PALM2AKAP2: variants seen among roughly 807,000 people sequenced by gnomAD.
The protein encoded by PALM2AKAP2 is PALM2 and AKAP2 fusion.
Under a neutral mutation model 71.5 loss-of-function variants are expected in PALM2AKAP2, and 37 were observed. The ratio of observed to expected loss-of-function variants is 0.52; its 90% CI spans 0.40 to 0.68. The LOEUF (loss-of-function observed/expected upper bound fraction) is 0.68, where lower values mean the gene tolerates loss of function less well. Among genes scored for constraint, PALM2AKAP2 ranks in the 30% least tolerant of loss-of-function variants. The probability of loss-of-function intolerance (pLI) is 0.00; values close to 1 mark genes in which losing one functional copy is unlikely to be tolerated. For synonymous variants in PALM2AKAP2, 468 were observed against 478.8 expected (o/e 0.98, Z 0.29); for missense variants, 1,224 against 1,191.8 (o/e 1.03, Z -0.40).
At chr9:109,842,690 G>T (rs1238611142) in intron 1 of PALM2AKAP2, among the ~76,000 whole-genome samples, 1 of 152,060 alleles carries the variant, frequency 6.6e-6, no homozygotes, top group African/African-American at 2.4e-5. Flanking sequence ...ACAGACTAAT[G>T]ATATCTGACA....
intron 1 of PALM2AKAP2, among the ~76,000 whole-genome samples, chr9:109,697,903 G>C (rs921455147): frequency 6.6e-6 from 1 of 152,028 alleles, no homozygotes; most frequent in East Asian, 1.9e-4. Context: ...TCATTTTACC[G>C]CATTAATTAT....
At chr9:109,664,598 C>T (rs539780575) in intron 1 of PALM2AKAP2, among the ~76,000 whole-genome samples, 2 of 152,298 alleles carry the variant, frequency 1.3e-5, no homozygotes, top group South Asian at 4.1e-4. Flanking sequence ...GTAACTCAAC[C>T]TTTCTCTCTG....
At chr9:109,993,033 C>G (rs1305034430) in intron 6 of PALM2AKAP2, among the ~76,000 whole-genome samples, 1 of 150,966 alleles carries the variant, frequency 6.6e-6, no homozygotes. Context: ...AGCATAGATT[C>G]AAGTTGCCCT....
At chr9:109,641,936 C>A (rs985063370) in intron 1 of PALM2AKAP2, among the ~76,000 whole-genome samples, 2 of 152,274 alleles carry the variant, frequency 1.3e-5, no homozygotes, top group South Asian at 2.1e-4. Flanking sequence ...GATGGTGTAG[C>A]ATTGTAGGAG....
chr9:110,095,321 G>A (rs77229776), intron 1 of PALM2AKAP2, among the ~76,000 whole-genome samples: 4,357 of 152,272 alleles, frequency 0.029, 76 homozygotes, highest in Non-Finnish European at 0.043. Context: ...TATGATGCAG[G>A]ATGGAAACCT....
intron 3 of PALM2AKAP2, among the ~76,000 whole-genome samples, chr9:109,916,682 A>C (rs768915795): frequency 2.0e-5 from 3 of 152,138 alleles, no homozygotes; most frequent in Non-Finnish European, 4.4e-5. Flanking sequence ...TTTTCTCACC[A>C]CCTGTATCAG....
rs118113720 is a variant in PALM2AKAP2 at position 109,991,017 on chromosome 9, G to A, written c.497-24937G>A. On this transcript the variant is annotated intron_variant, in intron 6 of 9. Coordinates refer to the PALM2AKAP2 transcript ENST00000302798. ...AGGGCTCAGGGATATGGGCTTCCTAGGGCAATTACCCCTTACCTCTGTTTC... is the reference window on the plus strand; with the variant it reads ...AGGGCTCAGGGATATGGGCTTCCTAAGGCAATTACCCCTTACCTCTGTTTC... Among the ~76,000 whole-genome samples the A allele has an allele frequency of 5.2e-3, 794 of 152,198 alleles. 5 individuals are homozygous for A. Among genetic ancestry groups the A allele is most frequent in the Non-Finnish European group, 6.0e-3 (407 of 67,988 alleles).
upstream of PALM2AKAP2, among the ~76,000 whole-genome samples, chr9:109,777,807 C>T (rs949739301): frequency 6.6e-5 from 10 of 152,146 alleles, no homozygotes; most frequent in African/African-American, 1.7e-4. Context: ...TTCTACTTCT[C>T]GGATGATACT....
intron 1 of PALM2AKAP2, among the ~76,000 whole-genome samples, chr9:109,801,951 C>T (rs1406749560): frequency 6.6e-6 from 1 of 152,142 alleles, no homozygotes; most frequent in Non-Finnish European, 1.5e-5. Flanking sequence ...CCAAAATCAA[C>T]CAGATCAAGT....
intron 1 of PALM2AKAP2, among the ~76,000 whole-genome samples, chr9:110,114,554 G>A (rs1297655408): frequency 6.6e-6 from 1 of 152,138 alleles, no homozygotes; most frequent in African/African-American, 2.4e-5. Context: ...CCTTGCATAA[G>A]CATCACACAA....
intron 6 of PALM2AKAP2, among the ~76,000 whole-genome samples, chr9:109,975,330 C>A (rs902833261): frequency 1.3e-5 from 2 of 152,136 alleles, no homozygotes; most frequent in African/African-American, 4.8e-5. Context: ...ACCAGGGGCA[C>A]CAGAAGACGG....
intron 3 of PALM2AKAP2, among the ~76,000 whole-genome samples, chr9:109,882,817 T>TTA (rs1829883570): frequency 7.2e-6 from 1 of 139,210 alleles, no homozygotes; most frequent in Non-Finnish European, 1.6e-5. Context: ...ATTATTATTA[T>TTA]TTTTTTTTTT....
intron 1 of PALM2AKAP2, among the ~76,000 whole-genome samples, chr9:109,696,885 A>G (rs532314444): frequency 2.2e-4 from 34 of 152,248 alleles, no homozygotes; most frequent in Admixed American, 4.6e-4. Flanking sequence ...GCCAATATCT[A>G]TTGTATATTG....
chr9:109,854,062 T>G (rs1006650015), intron 1 of PALM2AKAP2, among the ~76,000 whole-genome samples: 5 of 152,240 alleles, frequency 3.3e-5, no homozygotes, highest in African/African-American at 4.8e-5. Context: ...ATCTTTTGTC[T>G]TGCTTATTTA....
intron 1 of PALM2AKAP2, among the ~76,000 whole-genome samples, chr9:109,659,297 A>G (rs771768300): frequency 6.6e-6 from 1 of 152,196 alleles, no homozygotes; most frequent in Non-Finnish European, 1.5e-5. Flanking sequence ...GTGTATCCAC[A>G]AAGTTGCCCA....
exon 2 of PALM2AKAP2, chr9:110,137,668 A>G: frequency 6.2e-7 from 1 of 1,614,044 alleles, no homozygotes; most frequent in East Asian, 2.2e-5. Flanking sequence ...GTCTGGACGA[A>G]TTGTCGGTGA....
At chr9:110,034,141 G>A (rs927793977) in intron 7 of PALM2AKAP2, among the ~76,000 whole-genome samples, 4 of 152,086 alleles carry the variant, frequency 2.6e-5, no homozygotes, top group African/African-American at 9.7e-5. Flanking sequence ...TCTTCTGCAG[G>A]TTTCTTTCTT....
chr9:109,841,231 CTGG>C (rs1316364796), intron 1 of PALM2AKAP2, among the ~76,000 whole-genome samples: 5 of 151,550 alleles, frequency 3.3e-5, no homozygotes, highest in Non-Finnish European at 5.9e-5. Flanking sequence ...ATGGATGAAG[CTGG>C]AAACCATCAT....
chr9:109,944,821 TTAA>T (rs1454163658), intron 6 of PALM2AKAP2: 1 of 152,142 alleles, frequency 6.6e-6, no homozygotes, highest in Non-Finnish European at 1.5e-5. Context: ...GGGAAACAAT[TTAA>T]TAAAATAACA....
Sources: gnomAD v4.1 joint callset for allele counts (sites outside exome capture counted in the v4.1 genomes callset) on GRCh38, gnomAD v4.1.1 for gene constraint, MANE v1.5 for transcripts, NCBI Gene and HGNC (gene_info 2026-07-23, HGNC 2026-07-21) for gene names.